The following FGF12 variants were observed in gnomAD, a reference collection of about 807,000 sequenced individuals.
The protein encoded by FGF12 is fibroblast growth factor 12B.
Under a neutral mutation model 23.6 loss-of-function variants are expected in FGF12, and 14 were observed. That is an observed-to-expected ratio of 0.59 (90% CI 0.39 to 0.93). FGF12 has a LOEUF of 0.93. Ranked by LOEUF, FGF12 falls within the 40% of genes least tolerant of loss-of-function variation. The probability of loss-of-function intolerance (pLI) is 0.00; values close to 1 mark genes in which losing one functional copy is unlikely to be tolerated. For missense variants in FGF12, 175 were observed against 217.8 expected, an observed-to-expected ratio of 0.80 and a Z score of 1.24; for synonymous variants, 62 against 77.3, an observed-to-expected ratio of 0.80 and a Z score of 1.04.
At chr3:192,550,868 C>A (rs1165824170) in intron 2 of FGF12, among the ~76,000 whole-genome samples, 1 of 152,070 alleles carries the variant, frequency 6.6e-6, no homozygotes, top group Non-Finnish European at 1.5e-5. Flanking sequence ...ATACGAATAC[C>A]TTTTTCTCTC....
intron 5 of FGF12, among the ~76,000 whole-genome samples, chr3:192,147,995 C>G (rs976018503): frequency 6.8e-6 from 1 of 146,910 alleles, no homozygotes; most frequent in Non-Finnish European, 1.5e-5. Context: ...GAAATTGAAA[C>G]CCTATTCATT....
intron 2 of FGF12, among the ~76,000 whole-genome samples, chr3:192,538,416 A>C (rs1725286922): frequency 6.6e-6 from 1 of 152,140 alleles, no homozygotes; most frequent in South Asian, 2.1e-4. Context: ...TTGTTTATGC[A>C]ATAAGTTAAC....
At chr3:192,679,950 T>G (rs1483072904) in intron 2 of FGF12, among the ~76,000 whole-genome samples, 1 of 152,186 alleles carries the variant, frequency 6.6e-6, no homozygotes, top group Admixed American at 6.5e-5. Context: ...TGACACCAGG[T>G]GTATGCCTGA....
At chr3:192,417,681 T>TAAAAAA (rs924144691) in intron 2 of FGF12, among the ~76,000 whole-genome samples, 1 of 152,054 alleles carries the variant, frequency 6.6e-6, no homozygotes, top group Non-Finnish European at 1.5e-5. Flanking sequence ...ATAAATATGG[T>TAAAAAA]AAAAAACAAA....
At chr3:192,547,743 A>G (rs1047656306) in intron 2 of FGF12, among the ~76,000 whole-genome samples, 2 of 152,206 alleles carry the variant, frequency 1.3e-5, no homozygotes, top group East Asian at 1.9e-4. Flanking sequence ...AACTTAACCA[A>G]TGAAACTAGT....
intron 2 of FGF12, among the ~76,000 whole-genome samples, chr3:192,720,747 C>T (rs191361134): frequency 1.6e-3 from 241 of 152,210 alleles, no homozygotes; most frequent in Middle Eastern, 3.4e-3. Flanking sequence ...TATAGTGCTC[C>T]TGATAAAGAA....
chr3:192,318,429 A>G (rs1716343073), intron 4 of FGF12, among the ~76,000 whole-genome samples: 1 of 152,212 alleles, frequency 6.6e-6, no homozygotes, highest in South Asian at 2.1e-4. Flanking sequence ...GGAAAACGCA[A>G]CTGACATAGT....
At chr3:192,308,624 G>C (rs1440616422) in intron 4 of FGF12, among the ~76,000 whole-genome samples, 2 of 151,296 alleles carry the variant, frequency 1.3e-5, no homozygotes, top group African/African-American at 4.9e-5. Flanking sequence ...AGGTTGCAGT[G>C]AGCCGAGATT....
chr3:192,620,655 C>G (rs942162855), intron 2 of FGF12, among the ~76,000 whole-genome samples: 4 of 152,114 alleles, frequency 2.6e-5, no homozygotes, highest in African/African-American at 4.8e-5. Context: ...ATTCACTAGA[C>G]TCACTCTTAT....
chr3:192,210,196 C>T (rs1280225973), intron 4 of FGF12, among the ~76,000 whole-genome samples: 1 of 152,178 alleles, frequency 6.6e-6, no homozygotes, highest in Non-Finnish European at 1.5e-5. Flanking sequence ...AAAGAAAGAA[C>T]ACAAACAGCC....
At chr3:192,400,057 T>G (rs1720693170) in intron 2 of FGF12, among the ~76,000 whole-genome samples, 1 of 152,206 alleles carries the variant, frequency 6.6e-6, no homozygotes, top group Non-Finnish European at 1.5e-5. Flanking sequence ...TCTTGAATAT[T>G]TCCATCCATG....
intron 2 of FGF12, among the ~76,000 whole-genome samples, chr3:192,402,982 G>A (rs953160732): frequency 6.6e-6 from 1 of 152,144 alleles, no homozygotes; most frequent in African/African-American, 2.4e-5. Flanking sequence ...TAACAAGGCT[G>A]TTTTGTGGAA....
chr3:192,501,134 A>G (rs1192264315), intron 2 of FGF12, among the ~76,000 whole-genome samples: 1 of 152,226 alleles, frequency 6.6e-6, no homozygotes, highest in African/African-American at 2.4e-5. Flanking sequence ...ACTCAAAACC[A>G]TTACATATAT....
chr3:192,635,549 ACCTAAAAGTG>A, intron 2 of FGF12, among the ~76,000 whole-genome samples: 1 of 152,382 alleles, frequency 6.6e-6, no homozygotes, highest in South Asian at 2.1e-4. Flanking sequence ...CTATACCAGC[ACCTAAAAGTG>A]CTTGACCGTA....
intron 2 of FGF12, among the ~76,000 whole-genome samples, chr3:192,683,238 T>C (rs984770975): frequency 3.9e-5 from 6 of 152,200 alleles, no homozygotes; most frequent in Admixed American, 6.5e-5. Flanking sequence ...GCAATCTTGT[T>C]GGGGATTGCG....
chr3:192,331,332 A>G (rs940788503), intron 4 of FGF12, among the ~76,000 whole-genome samples: 26 of 143,828 alleles, frequency 1.8e-4, no homozygotes, highest in African/African-American at 6.4e-4. Context: ...AAAAAAAAAA[A>G]CAAAAACAAA....
In FGF12 at chr3:192,170,538, T is replaced by A. The variant is rs745779748; in HGVS notation, c.347A>T (p.Asn116Ile). The A allele has an allele frequency of 6.2e-7, 1 of 1,614,086 alleles. No homozygotes were observed. Among genetic ancestry groups the A allele is most frequent in the Non-Finnish European group, 8.5e-7 (1 of 1,180,002 alleles). The change falls in exon 5 of 6, where the codon AAT becomes ATT. Residue 116 changes from asparagine to isoleucine, a missense_variant. By Grantham distance (149) the Asn-to-Ile change is moderately radical. Coordinates refer to ENST00000445105, the MANE Select transcript of FGF12 (RefSeq NM_004113.6). ...ESGRAWFLGL[N>I]KEGQIMKGNR... is the part of the protein sequence containing the mutation. ...CCCCTTCATAATTTGACCTTCTTTA[T>A]TGAGTCCCAGAAACCAAGCTCGGCC...
At chr3:192,173,630 T>A (rs2108623486) in intron 4 of FGF12, among the ~76,000 whole-genome samples, 1 of 151,718 alleles carries the variant, frequency 6.6e-6, no homozygotes, top group Admixed American at 6.6e-5. Flanking sequence ...CCAAAGCTTT[T>A]TATTATTTTT....
intron 2 of FGF12, among the ~76,000 whole-genome samples, chr3:192,646,283 G>A (rs1716002800): frequency 6.6e-6 from 1 of 151,962 alleles, no homozygotes; most frequent in African/African-American, 2.4e-5. Context: ...AAAGAGGCAG[G>A]GGAAGTAAAG....
Sources: gnomAD v4.1 joint callset for allele counts (sites outside exome capture counted in the v4.1 genomes callset) on GRCh38, gnomAD v4.1.1 for gene constraint, MANE v1.5 for transcripts, NCBI Gene and HGNC (gene_info 2026-07-23, HGNC 2026-07-21) for gene names.